Variants in ZGRF1 observed in about 807,000 individuals in gnomAD.
ZGRF1 encodes 5'-3' DNA helicase ZGRF1.
A neutral mutation model predicts 203.5 loss-of-function variants in ZGRF1; 196 were observed. That is an observed-to-expected ratio of 0.96 (90% confidence interval 0.86 to 1.08). ZGRF1 has a LOEUF of 1.08. Among genes scored for constraint, ZGRF1 ranks in the 50% least tolerant of loss-of-function variants. The pLI is 0.00. For synonymous variants in ZGRF1, 809 were observed against 841.3 expected (o/e 0.96, Z 0.66); for missense variants, 2,326 against 2,416.3 (o/e 0.96, Z 0.78).
At chr4:112,586,103 T>G (rs1578366241) in intron 13 of ZGRF1, among the ~76,000 whole-genome samples, 2 of 152,076 alleles carry the variant, frequency 1.3e-5, no homozygotes, top group Admixed American at 1.3e-4. Flanking sequence ...TAGCTGGGTG[T>G]GGTGGTGTGC....
intron 25 of ZGRF1, 34 bp downstream of exon 25, chr4:112,541,058 C>T (rs748381156): frequency 6.5e-7 from 1 of 1,547,510 alleles, no homozygotes; most frequent in Admixed American, 2.0e-5. Flanking sequence ...GAACCTAAAC[C>T]ATGTTGACTC....
intron 7 of ZGRF1, among the ~76,000 whole-genome samples, chr4:112,612,201 A>C (rs1446728744): frequency 6.6e-6 from 1 of 152,142 alleles, no homozygotes; most frequent in Non-Finnish European, 1.5e-5. Flanking sequence ...CCTGACCTCA[A>C]GTGATCTGCC....
Position 112,586,440 on chromosome 4 carries a change from C to T in ZGRF1, c.3916+5G>A. The T allele has an allele frequency of 6.2e-7, 1 of 1,602,358 alleles. No homozygotes were observed. Among genetic ancestry groups the T allele is most frequent in the Non-Finnish European group, 8.5e-7 (1 of 1,173,560 alleles). Reference sequence around the variant, plus strand: ...CATGATACAATAAAAACACAACAGCCATACCTATGAGGCAAGATGTGAAAG... The same window carrying T: ...CATGATACAATAAAAACACAACAGCTATACCTATGAGGCAAGATGTGAAAG... On this transcript the variant is annotated splice_donor_5th_base_variant and intron_variant, in intron 13 of 27. Transcript: ENST00000505019.
intron 21 of ZGRF1, 85 bp from the exon 22 acceptor site, chr4:112,554,067 T>G: frequency 7.9e-7 from 1 of 1,264,188 alleles, no homozygotes; most frequent in Non-Finnish European, 1.1e-6. Context: ...CTTTTTTTTA[T>G]TATACTTTAA....
chr4:112,633,868 C>A (rs1382276919), intron 1 of ZGRF1, among the ~76,000 whole-genome samples: 1 of 152,108 alleles, frequency 6.6e-6, no homozygotes, highest in Non-Finnish European at 1.5e-5. Flanking sequence ...AGGTGGTTCT[C>A]AAGATGTGAC....
rs371086657 is a variant in ZGRF1, at chr4:112,589,844, A to G, written c.3007T>C (p.Leu1003=). 3.1e-6 allele frequency: 5 copies of G among 1,607,640 alleles called. No individual in the cohort carries two copies. The highest frequency in any genetic ancestry group is 1.3e-5 in the African/African-American group (1 of 74,470). ...VTSPEENIST[L]SPVSTFSLNS... ...AAAGAAAAGGTAGAAACAGGGCTCA[A>G]TGTAGAGATGTTTTCTTCTGGTGAT... Residue 1003 remains leucine (L), a synonymous_variant, in exon 11 of 28, where the codon TTG becomes CTG. Transcript: ENST00000505019.
intron 10 of ZGRF1, among the ~76,000 whole-genome samples, chr4:112,591,779 C>T (rs908293553): frequency 3.3e-5 from 5 of 152,278 alleles, no homozygotes; most frequent in Admixed American, 3.3e-4. Flanking sequence ...GAGAGGCTTA[C>T]CTTGCCTAAA....
chr4:112,617,100 A>G (rs2046902442), intron 6 of ZGRF1, among the ~76,000 whole-genome samples: 1 of 152,158 alleles, frequency 6.6e-6, no homozygotes, highest in South Asian at 2.1e-4. Flanking sequence ...AATAAAAAAA[A>G]GATTGACATA....
At chr4:112,546,550 T>C (rs1201648343) in intron 24 of ZGRF1, among the ~76,000 whole-genome samples, 2 of 152,136 alleles carry the variant, frequency 1.3e-5, no homozygotes, top group Non-Finnish European at 2.9e-5. Flanking sequence ...TGTTGAGAGG[T>C]GGGACTTTCA....
intron 16 of ZGRF1, among the ~76,000 whole-genome samples, chr4:112,580,854 G>C (rs960748029): frequency 6.6e-6 from 1 of 152,146 alleles, no homozygotes; most frequent in Non-Finnish European, 1.5e-5. Flanking sequence ...TTCAACCATT[G>C]TGGAAGTCAG....
intron 13 of ZGRF1, 21 bp from the exon 14 acceptor site, chr4:112,585,746 G>T: frequency 7.0e-7 from 1 of 1,437,628 alleles, no homozygotes; most frequent in South Asian, 1.3e-5. Context: ...AAAAAAAAGA[G>T]AGCAGAAAAT....
intron 24 of ZGRF1, among the ~76,000 whole-genome samples, chr4:112,544,414 G>C (rs555480920): frequency 1.1e-4 from 17 of 152,302 alleles, no homozygotes; most frequent in African/African-American, 3.8e-4. Flanking sequence ...GGTGGAAGTA[G>C]AAAATGCAGC....
At chr4:112,633,512 T>C (rs761489294) in intron 1 of ZGRF1, among the ~76,000 whole-genome samples, 19 of 152,234 alleles carry the variant, frequency 1.2e-4, no homozygotes, top group South Asian at 2.1e-4. Flanking sequence ...ATGCATAATA[T>C]GTATCAGAAA....
At chr4:112,587,164 CA>C in intron 12 of ZGRF1, 115 bp downstream of exon 12, 18 of 879,762 alleles carry the variant, frequency 2.0e-5, no homozygotes, top group Admixed American at 7.3e-5. Context: ...GAGTTAGGAT[CA>C]AAAAAAGCCA....
Position 112,539,593 on chromosome 4 carries a change from TTC to T in ZGRF1, c.6267_6268del (p.Lys2090GlufsTer4), listed in dbSNP as rs1344805464. Reference sequence around the variant, plus strand: ...AGATTTCTCTTTTTCACTCTTTTTCTTCTGTTTTTCTTCCACTTGTTTTTCAA... The same window carrying T: ...AGATTTCTCTTTTTCACTCTTTTTCTTGTTTTTCTTCCACTTGTTTTTCAA... On this transcript the variant is annotated frameshift_variant, in exon 28 of 28. Coordinates refer to ENST00000505019, the MANE Select transcript of ZGRF1 (RefSeq NM_018392.5). LOFTEE classifies it high-confidence loss of function. The T allele has an allele frequency of 3.9e-6, 6 of 1,548,894 alleles. No individual in the cohort carries two copies. In the Admixed American group the frequency reaches 7.5e-5, roughly 19 times the overall value.
chr4:112,587,417 G>C lies in ZGRF1; in HGVS notation c.3640C>G (p.Gln1214Glu). The C allele has an allele frequency of 6.2e-7, 1 of 1,613,852 alleles. No homozygotes were observed. Among genetic ancestry groups the C allele is most frequent in the South Asian group, 1.1e-5 (1 of 91,062 alleles). Residue 1214 changes from glutamine (Q) to glutamate (E), a missense_variant, in exon 12 of 28, where the codon CAG (glutamine) becomes GAG (glutamate). Transcript: ENST00000505019. ...ACCGAATCTTGACTGCTAAAATCCTGCCGCTGTTGATAGAGCATGCCTTTT... is the reference window on the plus strand; with the variant it reads ...ACCGAATCTTGACTGCTAAAATCCTCCCGCTGTTGATAGAGCATGCCTTTT... ...MIKGMLYQQR[Q>E]DFSSQDSVSR...
intron 12 of ZGRF1, 142 bp downstream of exon 12, chr4:112,587,138 A>G (rs568519324): frequency 2.2e-5 from 15 of 675,546 alleles, no homozygotes; most frequent in Non-Finnish European, 3.8e-5. Flanking sequence ...GTAAAGGATG[A>G]TGTAACTGTA....
At chr4:112,585,761 T>C (rs1162195245) in intron 13 of ZGRF1, 36 bp from the exon 14 acceptor site, 1 of 1,482,628 alleles carries the variant, frequency 6.7e-7, no homozygotes, top group Admixed American at 2.3e-5. Flanking sequence ...GAAAATTAAA[T>C]ACAAAATAAT....
chr4:112,618,600 T>C lies in ZGRF1; in HGVS notation c.1442A>G (p.Glu481Gly), dbSNP rs771402641. ...EYEQSESSLP[E>G]LKHLQIESSN... ...AGATTCAATTTGGAGATGTTTCAGT[T>C]CTGGCAGAGATGACTCTGATTGTTC... The change falls in exon 6 of 28, where the codon GAA (glutamate) becomes GGA (glycine). Residue 481 changes from glutamate to glycine, a missense_variant. Coordinates refer to ENST00000505019, the MANE Select transcript of ZGRF1 (RefSeq NM_018392.5). 2.5e-6 allele frequency: 4 copies of C among 1,613,734 alleles called. No homozygotes were observed. In the East Asian group the frequency reaches 8.9e-5, roughly 36 times the overall value.
Sources: allele counts gnomAD v4.1 joint callset (sites outside exome capture counted in the v4.1 genomes callset), GRCh38; gene constraint gnomAD v4.1.1; transcripts MANE v1.5; gene names NCBI Gene and HGNC (gene_info 2026-07-23, HGNC 2026-07-21).